GPC5: variants seen among roughly 807,000 people sequenced by gnomAD.
GPC5 encodes the protein glypican-5.
A neutral mutation model predicts 53.9 loss-of-function variants in GPC5; 47 were observed. The ratio of observed to expected loss-of-function variants is 0.87; its 90% confidence interval spans 0.69 to 1.11. The LOEUF (loss-of-function observed/expected upper bound fraction) is 1.11, where lower values mean the gene tolerates loss of function less well. Among genes scored for constraint, GPC5 ranks in the 50% most tolerant of loss-of-function variants. GPC5 has a pLI of 0.00. For missense variants in GPC5, 748 were observed against 713.1 expected, an observed-to-expected ratio of 1.05 and a Z score of -0.56; for synonymous variants, 286 against 263.3, an observed-to-expected ratio of 1.09 and a Z score of -0.84.
In GPC5 at chr13:92,768,597, A is replaced by T. The variant is rs185826540; in HGVS notation, c.1562-97685A>T. On this transcript the variant is annotated intron_variant, in intron 7 of 7. Transcript: ENST00000377067. Reference sequence around the variant, plus strand: ...TGATTTCTCTAATTTTCTTTAAAACAAAATAGAATGAAAAATCTTTCCCCC... The same window carrying T: ...TGATTTCTCTAATTTTCTTTAAAACTAAATAGAATGAAAAATCTTTCCCCC... Among the ~76,000 whole-genome samples the T allele has an allele frequency of 4.6e-5, 7 of 152,270 alleles. No homozygotes were observed. The East Asian group carries it at 1.3e-3, about 29-fold the overall frequency.
chr13:91,468,779 T>C (rs1882411732), intron 2 of GPC5, among the ~76,000 whole-genome samples: 1 of 152,180 alleles, frequency 6.6e-6, no homozygotes, highest in Non-Finnish European at 1.5e-5. Flanking sequence ...TAGTTTTATG[T>C]ATTTATAATT....
chr13:92,427,143 G>A (rs1876873423), intron 7 of GPC5, among the ~76,000 whole-genome samples: 1 of 151,694 alleles, frequency 6.6e-6, no homozygotes, highest in Admixed American at 6.6e-5. Context: ...TTTCAAGATT[G>A]GAGAAGACAC....
chr13:91,963,022 G>A (rs547875276), intron 6 of GPC5, among the ~76,000 whole-genome samples: 5 of 152,172 alleles, frequency 3.3e-5, no homozygotes, highest in African/African-American at 1.2e-4. Context: ...GACTAAGTGT[G>A]GGCTCTGGGG....
At chr13:92,565,889 C>G (rs936823939) in intron 7 of GPC5, among the ~76,000 whole-genome samples, 16 of 151,906 alleles carry the variant, frequency 1.1e-4, no homozygotes, top group African/African-American at 3.9e-4. Flanking sequence ...TTTTACCCTT[C>G]TATTTAGAAT....
At chr13:91,522,894 T>A (rs1885897939) in intron 2 of GPC5, among the ~76,000 whole-genome samples, 1 of 152,226 alleles carries the variant, frequency 6.6e-6, no homozygotes, top group Admixed American at 6.5e-5. Flanking sequence ...TGTGCCACAT[T>A]TTCTTAATCC....
At chr13:91,964,193 T>G (rs2040156930) in intron 6 of GPC5, among the ~76,000 whole-genome samples, 1 of 152,170 alleles carries the variant, frequency 6.6e-6, no homozygotes, top group Non-Finnish European at 1.5e-5. Context: ...ACAGTGAGTG[T>G]TACAGCTCAC....
intron 5 of GPC5, among the ~76,000 whole-genome samples, chr13:91,760,284 C>T (rs1434960135): frequency 6.6e-6 from 1 of 152,070 alleles, no homozygotes; most frequent in African/African-American, 2.4e-5. Flanking sequence ...TATACAAAGT[C>T]AAGTCCTGAT....
At chr13:92,179,889 G>A (rs2042134325) in intron 7 of GPC5, among the ~76,000 whole-genome samples, 1 of 152,104 alleles carries the variant, frequency 6.6e-6, no homozygotes, top group African/African-American at 2.4e-5. Context: ...TGAATTAACT[G>A]AACTTTAGAT....
chr13:91,877,354 G>A lies in GPC5; in HGVS notation c.1281-30583G>A, dbSNP rs143520259. ...TCAATGCCAGTCTGTGAAAGCAGCC[G>A]GGAGGGAGGCTGTACCCTGTAAAGC... is the stretch of plus-strand genomic sequence containing the variant. On this transcript the variant is annotated intron_variant, in intron 5 of 7. Transcript: ENST00000377067. Among the ~76,000 whole-genome samples, 1,416 of 152,276 alleles carry A rather than the reference G, an allele frequency of 9.3e-3. 10 individuals are homozygous for A. The highest frequency in any genetic ancestry group is 0.024 in the South Asian group (115 of 4,820).
intron 5 of GPC5, among the ~76,000 whole-genome samples, chr13:91,792,762 G>A (rs2037987189): frequency 6.6e-6 from 1 of 152,022 alleles, no homozygotes; most frequent in Non-Finnish European, 1.5e-5. Flanking sequence ...CATTTCTTTG[G>A]CTTCGAATGA....
At chr13:92,698,815 T>C (rs1375699954) in intron 7 of GPC5, among the ~76,000 whole-genome samples, 1 of 152,184 alleles carries the variant, frequency 6.6e-6, no homozygotes, top group Non-Finnish European at 1.5e-5. Context: ...CTCCACATCC[T>C]CTCCAGCACC....
chr13:91,750,467 A>G (rs2037147611), intron 4 of GPC5, among the ~76,000 whole-genome samples: 1 of 152,166 alleles, frequency 6.6e-6, no homozygotes, highest in African/African-American at 2.4e-5. Flanking sequence ...TTCTCATAAC[A>G]GTAGAGAAAT....
intron 7 of GPC5, among the ~76,000 whole-genome samples, chr13:92,341,764 T>A (rs1450035809): frequency 1.3e-5 from 2 of 152,008 alleles, no homozygotes; most frequent in Non-Finnish European, 2.9e-5. Context: ...GTGAAACTTA[T>A]TAAAATGGTT....
At chr13:91,558,799 A>G (rs1005006548) in intron 2 of GPC5, among the ~76,000 whole-genome samples, 5 of 152,034 alleles carry the variant, frequency 3.3e-5, no homozygotes, top group African/African-American at 1.2e-4. Flanking sequence ...CATGAAGGTC[A>G]TGGCTGCGCC....
At chr13:92,252,058 A>C (rs563256956) in intron 7 of GPC5, among the ~76,000 whole-genome samples, 4 of 152,146 alleles carry the variant, frequency 2.6e-5, no homozygotes, top group South Asian at 2.1e-4. Context: ...TGAAGAGATA[A>C]AGTATCTGAG....
chr13:92,110,475 T>G (rs2041548319), intron 6 of GPC5, among the ~76,000 whole-genome samples: 1 of 151,940 alleles, frequency 6.6e-6, no homozygotes, highest in African/African-American at 2.4e-5. Context: ...CATTGGCAGA[T>G]GGGCAGCTAT....
chr13:92,397,556 G>A (rs1273898929), intron 7 of GPC5, among the ~76,000 whole-genome samples: 2 of 152,136 alleles, frequency 1.3e-5, no homozygotes, highest in East Asian at 3.9e-4. Context: ...TATGATTTCC[G>A]CAGCTTCTGC....
intron 7 of GPC5, among the ~76,000 whole-genome samples, chr13:92,794,507 C>T (rs572027682): frequency 1.3e-5 from 2 of 152,242 alleles, no homozygotes; most frequent in South Asian, 4.1e-4. Context: ...CATTCCTATT[C>T]AACACAGTGT....
At chr13:92,619,914 T>C (rs1315270103) in intron 7 of GPC5, among the ~76,000 whole-genome samples, 1 of 152,088 alleles carries the variant, frequency 6.6e-6, no homozygotes, top group Non-Finnish European at 1.5e-5. Flanking sequence ...TTGAATACTG[T>C]TTAACCATAT....
Sources: gnomAD v4.1 joint callset for allele counts (sites outside exome capture counted in the v4.1 genomes callset) on GRCh38, gnomAD v4.1.1 for gene constraint, MANE v1.5 for transcripts, NCBI Gene and HGNC (gene_info 2026-07-23, HGNC 2026-07-21) for gene names.